GLDN: variants seen among roughly 807,000 people sequenced by gnomAD.
GLDN encodes collomin.
A neutral mutation model predicts 56.5 loss-of-function variants in GLDN; 47 were observed. That is an observed-to-expected ratio of 0.83 (90% CI 0.66 to 1.06). GLDN has a LOEUF of 1.06. GLDN is among the 50% of genes least tolerant of loss of function. The pLI is 0.00. For synonymous variants in GLDN, 332 were observed against 278.8 expected (o/e 1.19, Z -1.90); for missense variants, 782 against 714.3 (o/e 1.09, Z -1.08).
chr15:51,408,587 G>A (rs574268697), downstream of GLDN, among the ~76,000 whole-genome samples: 3 of 151,912 alleles, frequency 2.0e-5, no homozygotes, highest in Non-Finnish European at 4.4e-5. Context: ...TGTGCACAAC[G>A]TGCAGGTTAC....
At position 51,341,701 on chromosome 15, in the gene GLDN, AG is replaced by A; in HGVS notation, c.20del (p.Gly7GlufsTer38). MARGA[E>X]GGRGDAGWGL... ...GCATAGAGCATGGCCCGAGGCGCTGAGGGAGGCCGTGGGGACGCGGGTTGGG... is the reference window on the plus strand; with the variant it reads ...GCATAGAGCATGGCCCGAGGCGCTGAGGAGGCCGTGGGGACGCGGGTTGGG... On this transcript the variant is annotated frameshift_variant, in exon 1 of 10. Transcript: ENST00000335449. LOFTEE classifies it high-confidence loss of function. 1 of 1,425,728 alleles carries A rather than the reference AG, an allele frequency of 7.0e-7. No individual in the cohort carries two copies. The highest frequency in any genetic ancestry group is 9.1e-7 in the Non-Finnish European group (1 of 1,104,602). The allele number at this position is 1,425,728 out of a possible 1,614,324, so 88.3% of individuals were successfully genotyped here. A position where few individuals can be genotyped will look rare whatever the true frequency, so the allele number is the denominator to read the frequency against.
chr15:51,350,749 C>A (rs961252640), intron 1 of GLDN, among the ~76,000 whole-genome samples: 1 of 152,174 alleles, frequency 6.6e-6, no homozygotes, highest in African/African-American at 2.4e-5. Context: ...ATAAAGCATT[C>A]CTTGTAAGAA....
intron 1 of GLDN, among the ~76,000 whole-genome samples, chr15:51,352,246 T>C (rs1223041514): frequency 1.3e-5 from 2 of 152,156 alleles, no homozygotes; most frequent in Non-Finnish European, 2.9e-5. Flanking sequence ...GCCTCATTTT[T>C]ATAAGGTTAT....
chr15:51,398,301 C>T (rs897332520), intron 6 of GLDN, among the ~76,000 whole-genome samples: 2 of 152,240 alleles, frequency 1.3e-5, no homozygotes, highest in Non-Finnish European at 2.9e-5. Context: ...AATACTTGAC[C>T]TCTGGTGGAC....
rs550675844 is a variant in GLDN at position 51,360,836 on chromosome 15, C to T, written c.364-16613C>T. The stretch of plus-strand genomic sequence containing the variant: ...TGTTCACGACATAGGTAGCTATCCC[C>T]TGTGTGGAGGGAGGAGAGGGCTGAG... On this transcript the variant is annotated intron_variant, in intron 1 of 9. Coordinates refer to ENST00000335449, the MANE Select transcript of GLDN (RefSeq NM_181789.4). Among the ~76,000 whole-genome samples the T allele has an allele frequency of 5.3e-5, 8 of 152,274 alleles. No homozygotes were observed. The East Asian group carries it at 1.5e-3, about 29-fold the overall frequency.
chr15:51,409,568 A>G (rs180756457), downstream of GLDN, among the ~76,000 whole-genome samples: 515 of 152,320 alleles, frequency 3.4e-3, 2 homozygotes, highest in Non-Finnish European at 6.1e-3. Context: ...GGTTTAAACT[A>G]CTTCTAAAAT....
intron 1 of GLDN, among the ~76,000 whole-genome samples, chr15:51,367,069 T>C (rs1309676860): frequency 6.6e-6 from 1 of 152,172 alleles, no homozygotes; most frequent in African/African-American, 2.4e-5. Flanking sequence ...ATTTCCTATT[T>C]CATCAGAGAG....
intron 1 of GLDN, among the ~76,000 whole-genome samples, chr15:51,342,630 A>T (rs375038973): frequency 6.6e-6 from 1 of 152,218 alleles, no homozygotes; most frequent in African/African-American, 2.4e-5. Context: ...ATGCTGGGAA[A>T]GTTGCCCCTG....
intron 9 of GLDN, 79 bp downstream of exon 9, chr15:51,401,822 G>A (rs1420711726): frequency 7.6e-7 from 1 of 1,323,768 alleles, no homozygotes; most frequent in Non-Finnish European, 1.0e-6. Context: ...ATTAGGGGTA[G>A]GGACTGTGTT....
Position 51,346,462 on chromosome 15 carries a change from C to T in GLDN, c.363+4415C>T, listed in dbSNP as rs147344798. ...AATTTAATAAATGATTTTGAGACAACGGGCAAGCCCTCTGGGAAAAGATAA... is the reference window on the plus strand; with the variant it reads ...AATTTAATAAATGATTTTGAGACAATGGGCAAGCCCTCTGGGAAAAGATAA... On this transcript the variant is annotated intron_variant, in intron 1 of 9. Transcript: ENST00000335449. 6.6e-5 allele frequency among the ~76,000 whole-genome samples: 10 copies of T among 152,240 alleles called. No homozygotes were observed. In the East Asian group the frequency reaches 1.4e-3, roughly 21 times the overall value.
intron 6 of GLDN, among the ~76,000 whole-genome samples, chr15:51,399,879 A>C (rs951710003): frequency 6.6e-6 from 1 of 152,128 alleles, no homozygotes; most frequent in African/African-American, 2.4e-5. Context: ...CATTTCCCCA[A>C]ATTGCTGAGG....
In GLDN at chr15:51,383,768, T is replaced by G. The variant is rs146612439; in HGVS notation, c.434-17T>G. ...TTTTTTTTTGGTTAATGTCCCTGTT[T>G]CTGTGTTTTGATGCAGGACCTCCGG... On this transcript the variant is annotated splice_polypyrimidine_tract_variant and intron_variant, in intron 3 of 9. Coordinates refer to ENST00000335449, the MANE Select transcript of GLDN (RefSeq NM_181789.4). The G allele has an allele frequency of 2.4e-3, 3,722 of 1,566,370 alleles. 70 individuals are homozygous for G. The African/African-American group carries it at 0.045, about 19-fold the overall frequency.
chr15:51,358,835 G>A (rs541475369), intron 1 of GLDN, among the ~76,000 whole-genome samples: 5 of 152,294 alleles, frequency 3.3e-5, no homozygotes, highest in African/African-American at 1.2e-4. Context: ...CCTCTTCCCG[G>A]AGGAGAGACA....
At chr15:51,355,755 C>T (rs1181613846) in intron 1 of GLDN, among the ~76,000 whole-genome samples, 2 of 149,676 alleles carry the variant, frequency 1.3e-5, no homozygotes, top group Non-Finnish European at 3.0e-5. Context: ...GATCTCCTGA[C>T]TTTGTGATCT....
intron 2 of GLDN, among the ~76,000 whole-genome samples, chr15:51,379,739 C>T (rs1041961378): frequency 1.3e-5 from 2 of 152,290 alleles, no homozygotes; most frequent in African/African-American, 2.4e-5. Context: ...CAATTTTAAT[C>T]GATTCTGGTT....
intron 1 of GLDN, among the ~76,000 whole-genome samples, chr15:51,353,215 C>A (rs1178282808): frequency 1.3e-5 from 2 of 151,968 alleles, no homozygotes; most frequent in Non-Finnish European, 2.9e-5. Context: ...CTGACCCAAC[C>A]AATCAGCATT....
chr15:51,399,440 G>T (rs771824023), intron 6 of GLDN, among the ~76,000 whole-genome samples: 18 of 152,122 alleles, frequency 1.2e-4, no homozygotes, highest in South Asian at 2.1e-4. Flanking sequence ...CCTCAGGTTT[G>T]CTTCTGCTGC....
At chr15:51,353,566 A>G (rs2037115035) in intron 1 of GLDN, among the ~76,000 whole-genome samples, 1 of 152,088 alleles carries the variant, frequency 6.6e-6, no homozygotes, top group Non-Finnish European at 1.5e-5. Flanking sequence ...AAAAATTTGT[A>G]TGCTGGCATT....
At chr15:51,397,868 T>A (rs2141127502) in intron 6 of GLDN, among the ~76,000 whole-genome samples, 1 of 152,276 alleles carries the variant, frequency 6.6e-6, no homozygotes, top group South Asian at 2.1e-4. Context: ...TCCTCCTTGC[T>A]CTGTCCGCCA....
Sources: gnomAD v4.1 joint callset for allele counts (sites outside exome capture counted in the v4.1 genomes callset) on GRCh38, gnomAD v4.1.1 for gene constraint, MANE v1.5 for transcripts, NCBI Gene and HGNC (gene_info 2026-07-23, HGNC 2026-07-21) for gene names.